The following DCC variants were observed in gnomAD, a reference collection of about 807,000 sequenced individuals.
DCC encodes the protein netrin receptor DCC.
DCC carries 58 observed loss-of-function variants against 172.5 expected under a neutral mutation model. The observed-to-expected ratio is 0.34, with a 90% CI of 0.27 to 0.42. The LOEUF (loss-of-function observed/expected upper bound fraction) is 0.42, where lower values mean the gene tolerates loss of function less well. Ranked by LOEUF, DCC falls within the 10% of genes least tolerant of loss-of-function variation. DCC has a pLI of 1.00. For missense variants in DCC, 1,740 were observed against 1,791.0 expected (o/e 0.97, Z 0.51); for synonymous variants, 709 against 644.5 (o/e 1.10, Z -1.52).
intron 1 of DCC, among the ~76,000 whole-genome samples, chr18:52,373,314 C>G (rs1381108594): frequency 6.6e-6 from 1 of 152,082 alleles, no homozygotes; most frequent in Non-Finnish European, 1.5e-5. Context: ...GTGTGTGATG[C>G]AAGCCTCAAG....
At chr18:53,356,176 T>C (rs899340970) in intron 15 of DCC, among the ~76,000 whole-genome samples, 1 of 152,218 alleles carries the variant, frequency 6.6e-6, no homozygotes, top group South Asian at 2.1e-4. Context: ...TGCCTTAGCT[T>C]CCCAAAGTGC....
At chr18:53,148,865 C>CTTTTTCTT (rs2043956411) in intron 7 of DCC, among the ~76,000 whole-genome samples, 1 of 109,820 alleles carries the variant, frequency 9.1e-6, no homozygotes, top group African/African-American at 3.7e-5. Context: ...TTCCCAATGC[C>CTTTTTCTT]TTTTTTTTTT....
intron 1 of DCC, among the ~76,000 whole-genome samples, chr18:52,614,552 G>T (rs190133258): frequency 2.0e-5 from 3 of 152,084 alleles, no homozygotes; most frequent in Admixed American, 1.3e-4. Context: ...TCTAAGATAC[G>T]CATTTTATCA....
chr18:52,953,142 TC>T (rs953296723), intron 5 of DCC, among the ~76,000 whole-genome samples: 1 of 150,860 alleles, frequency 6.6e-6, no homozygotes, highest in Non-Finnish European at 1.5e-5. Context: ...GTAACCAACA[TC>T]CCTTTTCAAA....
chr18:53,207,928 A>C (rs2055679024), intron 11 of DCC, 111 bp downstream of exon 11: 1 of 975,342 alleles, frequency 1.0e-6, no homozygotes, highest in Non-Finnish European at 1.6e-6. Context: ...CCTGACTAAA[A>C]TTTTATGGAC....
At chr18:52,414,446 C>G (rs1324735384) in intron 1 of DCC, among the ~76,000 whole-genome samples, 2 of 152,140 alleles carry the variant, frequency 1.3e-5, no homozygotes, top group Non-Finnish European at 2.9e-5. Context: ...TGCTCCCCAT[C>G]TGATTGACTT....
At chr18:52,755,191 C>T (rs952280197) in intron 2 of DCC, among the ~76,000 whole-genome samples, 3 of 152,132 alleles carry the variant, frequency 2.0e-5, no homozygotes, top group Non-Finnish European at 4.4e-5. Context: ...ATCAGTTGTC[C>T]ACAAGGCCAG....
At chr18:53,460,236 G>A (rs16956776) in intron 24 of DCC, among the ~76,000 whole-genome samples, 1 of 114,776 alleles carries the variant, frequency 8.7e-6, no homozygotes, top group Non-Finnish European at 2.0e-5. Flanking sequence ...AAAATCCCTT[G>A]GTCTACTCAT....
At chr18:52,641,625 C>A (rs148641519) in intron 1 of DCC, among the ~76,000 whole-genome samples, 10,420 of 152,148 alleles carry the variant, frequency 0.068, 481 homozygotes, top group South Asian at 0.18. Context: ...GGCTCACTGT[C>A]ACTAATGATC....
chr18:52,628,953 G>T (rs929633488), intron 1 of DCC, among the ~76,000 whole-genome samples: 1 of 152,174 alleles, frequency 6.6e-6, no homozygotes, highest in Non-Finnish European at 1.5e-5. Flanking sequence ...CCACCCAAAT[G>T]CTGGGAAAGG....
At chr18:53,422,053 A>T (rs1334190100) in intron 21 of DCC, among the ~76,000 whole-genome samples, 1 of 152,166 alleles carries the variant, frequency 6.6e-6, no homozygotes, top group East Asian at 1.9e-4. Context: ...TACCCAACTA[A>T]AATGGAGTCA....
At chr18:53,269,749 G>A (rs1018174576) in intron 12 of DCC, among the ~76,000 whole-genome samples, 2 of 152,056 alleles carry the variant, frequency 1.3e-5, no homozygotes, top group East Asian at 1.9e-4. Flanking sequence ...CAGTCCCAAA[G>A]TGCACAGCTA....
At chr18:52,912,843 A>G (rs1268924401) in intron 3 of DCC, among the ~76,000 whole-genome samples, 1 of 152,044 alleles carries the variant, frequency 6.6e-6, no homozygotes, top group Non-Finnish European at 1.5e-5. Context: ...TGCCTTTATA[A>G]TCCTAGACTT....
chr18:52,408,748 T>A (rs1986743149), intron 1 of DCC, among the ~76,000 whole-genome samples: 1 of 152,170 alleles, frequency 6.6e-6, no homozygotes, highest in Admixed American at 6.5e-5. Context: ...TCAGCTTAAC[T>A]CATCATTGTA....
intron 1 of DCC, among the ~76,000 whole-genome samples, chr18:52,549,075 A>G (rs2032693750): frequency 6.6e-6 from 1 of 151,972 alleles, no homozygotes; most frequent in African/African-American, 2.4e-5. Context: ...AATATGAGCA[A>G]TTTTCTGATA....
chr18:53,493,848 T>G (rs1009282462), intron 26 of DCC, among the ~76,000 whole-genome samples: 4 of 152,164 alleles, frequency 2.6e-5, no homozygotes, highest in African/African-American at 9.7e-5. Context: ...CTGATCTTAG[T>G]TATTTCTTGT....
chr18:52,948,897 C>T (rs543621693), intron 5 of DCC, among the ~76,000 whole-genome samples: 27 of 152,148 alleles, frequency 1.8e-4, no homozygotes, highest in Non-Finnish European at 3.4e-4. Flanking sequence ...CTTGGTCACA[C>T]AGCTAGGGAA....
chr18:53,308,901 A>C (rs2057232868), intron 13 of DCC, among the ~76,000 whole-genome samples: 1 of 152,136 alleles, frequency 6.6e-6, no homozygotes, highest in Admixed American at 6.6e-5. Flanking sequence ...TCTGAGAAAG[A>C]ACCCATCCCA....
intron 1 of DCC, among the ~76,000 whole-genome samples, chr18:52,614,064 T>C (rs537242866): frequency 5.9e-5 from 9 of 152,060 alleles, no homozygotes; most frequent in African/African-American, 2.2e-4. Flanking sequence ...GCTTTCCAAA[T>C]TTTTTTTTCT....
Sources: gnomAD v4.1 joint callset for allele counts (sites outside exome capture counted in the v4.1 genomes callset) on GRCh38, gnomAD v4.1.1 for gene constraint, MANE v1.5 for transcripts, NCBI Gene and HGNC (gene_info 2026-07-23, HGNC 2026-07-21) for gene names.